The following ZC4H2 variants were observed in gnomAD, a reference collection of about 807,000 sequenced individuals.
ZC4H2 encodes the protein zinc finger C4H2-type containing.
For missense variants in ZC4H2, 137 were observed against 173.9 expected (o/e 0.79, Z 1.19); for synonymous variants, 84 against 66.3 (o/e 1.27, Z -1.30).
intron 1 of ZC4H2, among the ~76,000 whole-genome samples, chrX:64,962,237 G>T (rs1931423066): frequency 9.0e-6 from 1 of 111,706 alleles, no homozygotes; most frequent in Non-Finnish European, 1.9e-5. Flanking sequence ...TTATCCCTGT[G>T]ATGTGAGGAG....
chrX:64,996,734 C>G (rs749228321), intron 1 of ZC4H2, among the ~76,000 whole-genome samples: 9 of 110,722 alleles, frequency 8.1e-5, no homozygotes, highest in Non-Finnish European at 1.3e-4. Context: ...AAAATTTGAG[C>G]AGGCAGAAGT....
intron 1 of ZC4H2, among the ~76,000 whole-genome samples, chrX:64,975,722 A>C (rs1055797196): frequency 9.0e-6 from 1 of 111,497 alleles, no homozygotes; most frequent in African/African-American, 3.3e-5. Flanking sequence ...TCCCACCATC[A>C]GCGCAGCGAC....
chrX:64,924,098 A>G (rs745509203), intron 1 of ZC4H2, among the ~76,000 whole-genome samples: 1 of 111,869 alleles, frequency 8.9e-6, no homozygotes, highest in South Asian at 3.7e-4. Context: ...TACCGATGGG[A>G]AAACTAAGAT....
intron 1 of ZC4H2, among the ~76,000 whole-genome samples, chrX:64,966,341 T>C (rs1336052721): frequency 8.9e-6 from 1 of 112,585 alleles, no homozygotes; most frequent in Non-Finnish European, 1.9e-5. Flanking sequence ...GGGACCCTCA[T>C]ACACTCCCTC....
At chrX:64,960,489 G>A (rs1040874858) in intron 1 of ZC4H2, among the ~76,000 whole-genome samples, 1 of 111,347 alleles carries the variant, frequency 9.0e-6, no homozygotes, top group Non-Finnish European at 1.9e-5. Flanking sequence ...CAATAGCCAA[G>A]GTAGAAGAAC....
upstream of ZC4H2, chrX:64,976,538 G>T: frequency 3.9e-6 from 2 of 511,683 alleles, no homozygotes; most frequent in Non-Finnish European, 3.3e-6. Flanking sequence ...TTCAGGGCCA[G>T]CCAGGAAGCC....
At chrX:64,934,695 C>A (rs1569206595) in intron 1 of ZC4H2, among the ~76,000 whole-genome samples, 2 of 111,842 alleles carry the variant, frequency 1.8e-5, no homozygotes, top group Admixed American at 9.5e-5. Context: ...GAAGGACGAG[C>A]CAAAGCAAGG....
At position 64,917,718 on chromosome X, in the gene ZC4H2, A is replaced by T; in HGVS notation, c.*65T>A. The T allele has an allele frequency of 8.5e-7, 1 of 1,173,851 alleles. No individual in the cohort carries two copies. The highest frequency in any genetic ancestry group is 1.9e-5 in the South Asian group (1 of 52,777). ...TGGGCAAGGGTTGTTTCACATCAGG[A>T]CATCAATGACTCTGGTCAAGGTGAG... On this transcript the variant is annotated 3_prime_UTR_variant, in exon 5 of 5. Coordinates refer to ENST00000374839, the MANE Select transcript of ZC4H2 (RefSeq NM_018684.4).
At chrX:64,948,559 T>C (rs1930649162) in intron 1 of ZC4H2, among the ~76,000 whole-genome samples, 1 of 111,841 alleles carries the variant, frequency 8.9e-6, no homozygotes, top group Non-Finnish European at 1.9e-5. Flanking sequence ...CATGCATAAA[T>C]GTTAACCTGG....
intron 1 of ZC4H2, among the ~76,000 whole-genome samples, chrX:65,013,442 T>A (rs1294342379): frequency 1.8e-5 from 2 of 111,882 alleles, no homozygotes; most frequent in East Asian, 5.6e-4. Context: ...GGGATGTCAT[T>A]TCCTAGATTA....
intron 1 of ZC4H2, among the ~76,000 whole-genome samples, chrX:65,022,708 G>T (rs1380659814): frequency 9.0e-6 from 1 of 111,555 alleles, no homozygotes; most frequent in East Asian, 2.8e-4. Context: ...TTGCTACAAA[G>T]AATTAAAATA....
At chrX:64,960,841 T>C (rs1470617667) in intron 1 of ZC4H2, among the ~76,000 whole-genome samples, 1 of 112,202 alleles carries the variant, frequency 8.9e-6, no homozygotes, top group Non-Finnish European at 1.9e-5. Context: ...TTGATCTTCT[T>C]ACATTTGTTA....
intron 1 of ZC4H2, among the ~76,000 whole-genome samples, chrX:64,966,336 C>G (rs1355882819): frequency 8.9e-6 from 1 of 112,317 alleles, no homozygotes; most frequent in Non-Finnish European, 1.9e-5. Context: ...AAACTGGGAC[C>G]CTCATACACT....
intron 1 of ZC4H2, among the ~76,000 whole-genome samples, chrX:64,982,369 C>A (rs1036727427): frequency 8.9e-6 from 1 of 111,895 alleles, no homozygotes. Context: ...GGGCCCTTGT[C>A]CCCCTCACAG....
At position 64,917,463 on chromosome X, in the gene ZC4H2, C is replaced by A. The variant is rs1263611347; in HGVS notation, c.*320G>T. On this transcript the variant is annotated 3_prime_UTR_variant, in exon 5 of 5. Transcript: ENST00000374839. ...ACCCTACAGCTCCTTAGGCTCCAGGCCTCAGGCACAAGAGATAGAGAATCA... is the reference window on the plus strand; with the variant it reads ...ACCCTACAGCTCCTTAGGCTCCAGGACTCAGGCACAAGAGATAGAGAATCA... The A allele has an allele frequency of 2.5e-5, 5 of 203,009 alleles. No individual in the cohort carries two copies. The highest frequency in any genetic ancestry group is 4.5e-5 in the Non-Finnish European group (5 of 111,178). The allele number at this position is 203,009 out of a possible 1,213,427, so 16.7% of individuals were successfully genotyped here. A position where few individuals can be genotyped will look rare whatever the true frequency, so the allele number is the denominator to read the frequency against.
chrX:64,989,118 G>A, intron 1 of ZC4H2, among the ~76,000 whole-genome samples: 1 of 112,043 alleles, frequency 8.9e-6, no homozygotes, highest in East Asian at 2.8e-4. Context: ...TTTGGTTACT[G>A]TAGGCTTGTA....
intron 1 of ZC4H2, among the ~76,000 whole-genome samples, chrX:64,952,032 T>C (rs1177839183): frequency 2.7e-5 from 3 of 111,240 alleles, no homozygotes; most frequent in African/African-American, 6.6e-5. Flanking sequence ...TAGCCAGTTT[T>C]CCCAGCACCA....
At chrX:65,027,381 T>A (rs1932890520) in intron 1 of ZC4H2, among the ~76,000 whole-genome samples, 1 of 110,818 alleles carries the variant, frequency 9.0e-6, no homozygotes, top group East Asian at 2.8e-4. Flanking sequence ...GGAAGAGAGG[T>A]AAGAATGAAG....
chrX:64,965,456 G>A (rs1308379257), intron 1 of ZC4H2: 5 of 321,150 alleles, frequency 1.6e-5, no homozygotes, highest in Non-Finnish European at 3.0e-5. Context: ...CCCGTACCTT[G>A]CAACATACAA....
Sources: gnomAD v4.1 joint callset for allele counts (sites outside exome capture counted in the v4.1 genomes callset) on GRCh38, gnomAD v4.1.1 for gene constraint, MANE v1.5 for transcripts, NCBI Gene and HGNC (gene_info 2026-07-23, HGNC 2026-07-21) for gene names.